RSPH14: variants seen among roughly 807,000 people sequenced by gnomAD.
The protein encoded by RSPH14 is radial spoke head 14 homolog, also known as rhabdoid tumor deletion region gene 1.
A neutral mutation model predicts 26.7 loss-of-function variants in RSPH14; 20 were observed. That is an observed-to-expected ratio of 0.75 (90% CI 0.53 to 1.09). RSPH14 has a LOEUF of 1.09. RSPH14 is among the 50% of genes least tolerant of loss of function. RSPH14 has a pLI of 0.00. For synonymous variants in RSPH14, 177 were observed against 189.3 expected (o/e 0.93, Z 0.53); for missense variants, 449 against 457.2 (o/e 0.98, Z 0.16).
At chr22:23,138,816 C>G in intron 3 of RSPH14, 24 bp downstream of exon 3, 1 of 1,544,944 alleles carries the variant, frequency 6.5e-7, no homozygotes, top group Non-Finnish European at 8.8e-7. Context: ...AAGCGTCACA[C>G]TGGTTTCCAG....
chr22:23,125,383 A>C (rs2070156839), intron 4 of RSPH14, among the ~76,000 whole-genome samples: 1 of 152,060 alleles, frequency 6.6e-6, no homozygotes, highest in South Asian at 2.1e-4. Flanking sequence ...ACCTCAGCCA[A>C]TGTCAGAGTC....
intron 4 of RSPH14, among the ~76,000 whole-genome samples, chr22:23,087,453 A>G (rs1179066931): frequency 6.6e-6 from 1 of 152,134 alleles, no homozygotes; most frequent in Non-Finnish European, 1.5e-5. Context: ...AAAATAAGAT[A>G]AAAATGCCTC....
chr22:23,123,230 C>T (rs370352704), intron 4 of RSPH14: 83 of 1,614,020 alleles, frequency 5.1e-5, no homozygotes, highest in Non-Finnish European at 6.7e-5. Flanking sequence ...TCTGCTTTCC[C>T]GAGTACAAGG....
intron 4 of RSPH14, among the ~76,000 whole-genome samples, chr22:23,112,848 C>CA (rs1235575990): frequency 6.6e-6 from 1 of 152,140 alleles, no homozygotes; most frequent in Non-Finnish European, 1.5e-5. Flanking sequence ...AGTGTGGACC[C>CA]ATCAGGAAGG....
At chr22:23,069,658 C>A (rs1013129280) in intron 4 of RSPH14, among the ~76,000 whole-genome samples, 1 of 152,180 alleles carries the variant, frequency 6.6e-6, no homozygotes, top group Admixed American at 6.5e-5. Flanking sequence ...GCCACCCTTC[C>A]GTGTGCCAGG....
intron 4 of RSPH14, among the ~76,000 whole-genome samples, chr22:23,117,387 C>T (rs916004974): frequency 5.3e-5 from 8 of 152,232 alleles, no homozygotes; most frequent in African/African-American, 1.9e-4. Context: ...TCCCAAAGAG[C>T]CAGGCTGACC....
chr22:23,161,648 A>G, the RSPH14 span: 66 of 1,221,500 alleles, frequency 5.4e-5, no homozygotes, highest in East Asian at 1.5e-3. Context: ...CTGGAGCCCA[A>G]GCTCTGCAGC....
chr22:23,127,679 G>T (rs899523687), intron 4 of RSPH14, among the ~76,000 whole-genome samples: 1 of 152,166 alleles, frequency 6.6e-6, no homozygotes, highest in Admixed American at 6.5e-5. Context: ...AGCAGCCCAC[G>T]TACCTGGGGT....
Position 23,060,045 on chromosome 22 carries a change from G to A in RSPH14, c.791-327C>T, listed in dbSNP as rs189719335. ...AATTTAAAAATTATCCAGATGTAGT[G>A]ACAGGTGCCTACAGTCCCAGCTACT... On this transcript the variant is annotated intron_variant, in intron 6 of 6. Coordinates refer to ENST00000216036, the MANE Select transcript of RSPH14 (RefSeq NM_014433.3). Among the ~76,000 whole-genome samples the A allele has an allele frequency of 4.5e-4, 68 of 152,300 alleles. No individual in the cohort carries two copies. In the East Asian group the frequency reaches 0.011, roughly 24 times the overall value.
the RSPH14 span, chr22:23,150,281 G>A: frequency 4.3e-6 from 3 of 693,830 alleles, 1 homozygote; most frequent in South Asian, 5.2e-5. Context: ...GCCTGAAGAT[G>A]ACTGGGGTTT....
chr22:23,094,809 G>A (rs1190954454), intron 4 of RSPH14, among the ~76,000 whole-genome samples: 1 of 152,244 alleles, frequency 6.6e-6, no homozygotes, highest in Non-Finnish European at 1.5e-5. Flanking sequence ...ATGAGAGTCA[G>A]GGAGGCGCTC....
At chr22:23,133,593 C>CT (rs776708967) in intron 4 of RSPH14, among the ~76,000 whole-genome samples, 24 of 151,198 alleles carry the variant, frequency 1.6e-4, no homozygotes, top group African/African-American at 4.6e-4. Context: ...TTTTTTCTTT[C>CT]TTTTTTTTTG....
chr22:23,173,051 T>C, the RSPH14 span, among the ~76,000 whole-genome samples: 1 of 152,210 alleles, frequency 6.6e-6, no homozygotes, highest in African/African-American at 2.4e-5. Context: ...TTCCTCCATG[T>C]TTTTCCATGG....
At position 23,071,321 on chromosome 22, in the gene RSPH14, T is replaced by C. The variant is rs2068367514; in HGVS notation, c.422-7188A>G. Among the ~76,000 whole-genome samples the C allele has an allele frequency of 6.6e-6, 1 of 152,038 alleles. No individual in the cohort carries two copies. Among genetic ancestry groups the C allele is most frequent in the Admixed American group, 6.5e-5 (1 of 15,286 alleles). ...GGTGCTGAGCCTTCCTGGGTGATGA[T>C]GGCAGGATTCGGCCTAGGCCGAGAA... On this transcript the variant is annotated intron_variant, in intron 4 of 6. Transcript: ENST00000216036. The surrounding 1 kb of genome is among the most constrained non-coding windows in gnomAD (Gnocchi z 4.1).
the RSPH14 span, among the ~76,000 whole-genome samples, chr22:23,171,388 C>T: frequency 6.6e-6 from 1 of 152,138 alleles, no homozygotes; most frequent in Non-Finnish European, 1.5e-5. Flanking sequence ...GCATAGTGCA[C>T]TAAAGCCCAG....
chr22:23,118,795 G>A (rs1279638865), intron 4 of RSPH14, among the ~76,000 whole-genome samples: 1 of 152,244 alleles, frequency 6.6e-6, no homozygotes, highest in Non-Finnish European at 1.5e-5. Flanking sequence ...CTCTACCCCA[G>A]TGGCCCACAG....
chr22:23,122,792 A>G, intron 4 of RSPH14: 1 of 453,788 alleles, frequency 2.2e-6, no homozygotes, highest in Non-Finnish European at 4.0e-6. Context: ...TGCTTGGCAC[A>G]TCTGTAGCCC....
At position 23,059,736 on chromosome 22, in the gene RSPH14, A is replaced by T. The variant is rs1476228767; in HGVS notation, c.791-18T>A. 6.6e-7 allele frequency: 1 copy of T among 1,505,852 alleles called. No homozygotes were observed. 93.3% of individuals were successfully genotyped at this position (1,505,852 alleles called of 1,614,324 possible). A position where few individuals can be genotyped will look rare whatever the true frequency, so the allele number is the denominator to read the frequency against. On this transcript the variant is annotated intron_variant, in intron 6 of 6. Transcript: ENST00000216036. ...ATACTTCCCTGCAGGCCACCAACAC[A>T]AGGCGTTCCAAACAGCCCAAGGGGC...
the RSPH14 span, among the ~76,000 whole-genome samples, chr22:23,168,300 T>C: frequency 1.3e-5 from 2 of 151,980 alleles, no homozygotes; most frequent in Non-Finnish European, 2.9e-5. Context: ...CCGGGGATGC[T>C]GACAGGTAGC....
Sources: allele counts gnomAD v4.1 joint callset (sites outside exome capture counted in the v4.1 genomes callset), GRCh38; gene constraint gnomAD v4.1.1; non-coding constraint Gnocchi (gnomAD v3.1); transcripts MANE v1.5; gene names NCBI Gene and HGNC (gene_info 2026-07-23, HGNC 2026-07-21).